KCNJ6: variants seen among roughly 807,000 people sequenced by gnomAD.
KCNJ6 encodes the protein G protein-activated inward rectifier potassium channel 2.
KCNJ6 carries 9 observed loss-of-function variants against 34.2 expected under a neutral mutation model. The ratio of observed to expected loss-of-function variants is 0.26; its 90% confidence interval spans 0.16 to 0.46. The LOEUF is 0.46. KCNJ6 is among the 20% of genes least tolerant of loss of function. KCNJ6 has a pLI of 1.00. For synonymous variants in KCNJ6, 196 were observed against 207.1 expected, an observed-to-expected ratio of 0.95 and a Z score of 0.46; for missense variants, 236 against 531.3, an observed-to-expected ratio of 0.44 and a Z score of 5.46.
intron 2 of KCNJ6, among the ~76,000 whole-genome samples, chr21:37,832,454 A>G (rs1601492483): frequency 6.6e-6 from 1 of 152,108 alleles, no homozygotes; most frequent in Admixed American, 6.5e-5. Flanking sequence ...ACAGAAATCT[A>G]CAGGATTCTC....
chr21:37,659,291 A>ATAAG (rs1281095732), intron 3 of KCNJ6, among the ~76,000 whole-genome samples: 3 of 152,230 alleles, frequency 2.0e-5, no homozygotes, highest in Non-Finnish European at 4.4e-5. Flanking sequence ...TGAGCACCAA[A>ATAAG]TAAGTCATGG....
chr21:37,830,243 G>A (rs1284440719), intron 2 of KCNJ6, among the ~76,000 whole-genome samples: 1 of 152,186 alleles, frequency 6.6e-6, no homozygotes, highest in African/African-American at 2.4e-5. Context: ...GGTTCAGGTT[G>A]ATCATCCCAG....
chr21:37,786,538 G>A (rs1254287837), intron 2 of KCNJ6, among the ~76,000 whole-genome samples: 1 of 152,156 alleles, frequency 6.6e-6, no homozygotes, highest in Non-Finnish European at 1.5e-5. Context: ...CAATTCAGCT[G>A]AACAATAGGC....
intron 3 of KCNJ6, among the ~76,000 whole-genome samples, chr21:37,637,718 C>A (rs1177895605): frequency 2.0e-5 from 3 of 152,168 alleles, no homozygotes; most frequent in African/African-American, 7.2e-5. Flanking sequence ...TCCAATATGA[C>A]TGTATCTGGA....
intron 2 of KCNJ6, among the ~76,000 whole-genome samples, chr21:37,821,444 T>C (rs764751810): frequency 1.8e-4 from 27 of 152,206 alleles, no homozygotes; most frequent in Non-Finnish European, 1.6e-4. Context: ...AGGTTTGTTA[T>C]ATAGGTAAGC....
At chr21:37,796,323 A>C (rs2055241853) in intron 2 of KCNJ6, among the ~76,000 whole-genome samples, 1 of 152,220 alleles carries the variant, frequency 6.6e-6, no homozygotes, top group Non-Finnish European at 1.5e-5. Flanking sequence ...TGATATTAAA[A>C]TAAATGACTC....
At chr21:37,640,595 T>C (rs775448141) in intron 3 of KCNJ6, among the ~76,000 whole-genome samples, 6 of 152,252 alleles carry the variant, frequency 3.9e-5, no homozygotes, top group Non-Finnish European at 8.8e-5. Context: ...TGTTGATTCT[T>C]TCAAGTGGAA....
intron 1 of KCNJ6, among the ~76,000 whole-genome samples, chr21:37,886,593 G>T (rs527323932): frequency 6.6e-6 from 1 of 152,176 alleles, no homozygotes; most frequent in Admixed American, 6.5e-5. Flanking sequence ...AAGGCATCAC[G>T]CATATAGGCT....
chr21:37,713,019 C>T (rs1211222789), intron 3 of KCNJ6, among the ~76,000 whole-genome samples: 2 of 152,092 alleles, frequency 1.3e-5, no homozygotes, highest in South Asian at 2.1e-4. Flanking sequence ...CCTTTACTCA[C>T]GTTTTCACTG....
intron 3 of KCNJ6, among the ~76,000 whole-genome samples, chr21:37,685,806 T>C (rs1446618996): frequency 6.7e-6 from 1 of 148,630 alleles, no homozygotes; most frequent in Non-Finnish European, 1.5e-5. Context: ...GTTATAGAAA[T>C]GATCGTATGT....
At chr21:37,842,611 G>A (rs562978208) in intron 1 of KCNJ6, among the ~76,000 whole-genome samples, 106 of 152,314 alleles carry the variant, frequency 7.0e-4, no homozygotes, top group African/African-American at 2.4e-3. Flanking sequence ...AATTTCACCC[G>A]TGATATTTAG....
At chr21:37,642,661 C>T (rs980160611) in intron 3 of KCNJ6, among the ~76,000 whole-genome samples, 5 of 112 alleles carry the variant, frequency 0.045, no homozygotes, top group Admixed American at 0.17. Context: ...TTCTGAAAGC[C>T]GTGAGCATCC....
At chr21:37,858,606 C>T (rs780782825) in intron 1 of KCNJ6, among the ~76,000 whole-genome samples, 31 of 152,120 alleles carry the variant, frequency 2.0e-4, no homozygotes, top group Non-Finnish European at 4.1e-4. Context: ...CTATCTTTAG[C>T]CTTCTCTCTA....
intron 3 of KCNJ6, among the ~76,000 whole-genome samples, chr21:37,702,165 G>A (rs536152669): frequency 3.3e-5 from 5 of 149,428 alleles, no homozygotes; most frequent in African/African-American, 7.4e-5. Context: ...CCCAGGAGGC[G>A]GAGGTTGCAG....
intron 2 of KCNJ6, among the ~76,000 whole-genome samples, chr21:37,716,218 T>A (rs1245229100): frequency 6.6e-6 from 1 of 152,176 alleles, no homozygotes; most frequent in Non-Finnish European, 1.5e-5. Flanking sequence ...ATGCATGCAT[T>A]GTACTTTAAT....
chr21:37,830,365 C>T (rs1468135065), intron 2 of KCNJ6, among the ~76,000 whole-genome samples: 1 of 152,136 alleles, frequency 6.6e-6, no homozygotes, highest in African/African-American at 2.4e-5. Flanking sequence ...ATGCCTGGGT[C>T]TGTTTGGCCT....
intron 2 of KCNJ6, among the ~76,000 whole-genome samples, chr21:37,767,517 C>A (rs2055097276): frequency 1.3e-5 from 2 of 152,246 alleles, no homozygotes; most frequent in South Asian, 2.1e-4. Context: ...TTGCCACTGC[C>A]AACCCTGAAC....
intron 2 of KCNJ6, among the ~76,000 whole-genome samples, chr21:37,821,228 A>T (rs2055371604): frequency 6.6e-6 from 1 of 152,208 alleles, no homozygotes; most frequent in African/African-American, 2.4e-5. Context: ...CATAACAAAA[A>T]ATTGACAATT....
At position 37,612,570 on chromosome 21, in the gene KCNJ6, A is replaced by G. The variant is rs1019456589; in HGVS notation, c.*12589T>C. The G allele has an allele frequency of 1.3e-5, 2 of 152,218 alleles. No individual in the cohort carries two copies. Among genetic ancestry groups the G allele is most frequent in the African/African-American group, 2.4e-5 (1 of 41,450 alleles). The allele number at this position is 152,218 out of a possible 1,614,324, so 9.4% of individuals were successfully genotyped here. ...GTGGTGTTGGTGAAGGAATAGACAA[A>G]TAGATCAGTGGAACAGAATGGAGAG... On this transcript the variant is annotated 3_prime_UTR_variant, in exon 4 of 4. Coordinates refer to ENST00000609713, the MANE Select transcript of KCNJ6 (RefSeq NM_002240.5).
Sources: allele counts gnomAD v4.1 joint callset (sites outside exome capture counted in the v4.1 genomes callset), GRCh38; gene constraint gnomAD v4.1.1; transcripts MANE v1.5; gene names NCBI Gene and HGNC (gene_info 2026-07-23, HGNC 2026-07-21).